Variants in STOX1 observed in about 807,000 individuals in gnomAD.
STOX1 encodes storkhead-box protein 1.
STOX1 carries 57 observed loss-of-function variants against 74.8 expected under a neutral mutation model. That is an observed-to-expected ratio of 0.76 (90% confidence interval 0.62 to 0.95). STOX1 has a LOEUF of 0.95. Ranked by LOEUF, STOX1 falls within the 40% of genes least tolerant of loss-of-function variation. The probability of loss-of-function intolerance (pLI) is 0.00; values close to 1 mark genes in which losing one functional copy is unlikely to be tolerated. For missense variants in STOX1, 1,010 were observed against 1,117.0 expected (o/e 0.90, Z 1.37); for synonymous variants, 375 against 401.3 (o/e 0.93, Z 0.78).
At chr10:68,847,419 T>G (rs1839880687) in intron 1 of STOX1, among the ~76,000 whole-genome samples, 1 of 151,938 alleles carries the variant, frequency 6.6e-6, no homozygotes. Context: ...TTGTTTTGTT[T>G]TGTTTTGTTT....
chr10:68,888,814 T>TTA (rs1841031032), intron 3 of STOX1, among the ~76,000 whole-genome samples: 1 of 126,284 alleles, frequency 7.9e-6, no homozygotes, highest in South Asian at 2.8e-4. Context: ...TTTTTTTTTT[T>TTA]TTTTTTTTTT....
At chr10:68,881,109 G>A (rs1840804910) in intron 1 of STOX1, among the ~76,000 whole-genome samples, 1 of 152,114 alleles carries the variant, frequency 6.6e-6, no homozygotes, top group African/African-American at 2.4e-5. Context: ...TCTATTAGTT[G>A]ATTCCCAGAT....
At chr10:68,877,448 T>C (rs1010531921) in intron 1 of STOX1, among the ~76,000 whole-genome samples, 3 of 152,194 alleles carry the variant, frequency 2.0e-5, no homozygotes, top group Admixed American at 6.5e-5. Context: ...AAGTTTTTGC[T>C]CTTATTTTGA....
intron 1 of STOX1, among the ~76,000 whole-genome samples, chr10:68,830,222 A>G (rs1004245674): frequency 1.3e-5 from 2 of 152,314 alleles, no homozygotes; most frequent in African/African-American, 4.8e-5. Context: ...CTCAGGATGC[A>G]GTGGACACTA....
intron 1 of STOX1, among the ~76,000 whole-genome samples, chr10:68,864,032 C>T (rs1840335403): frequency 6.6e-6 from 1 of 151,640 alleles, no homozygotes; most frequent in Admixed American, 6.6e-5. Flanking sequence ...TCATGCCATT[C>T]TCCTGCCTCA....
intron 1 of STOX1, among the ~76,000 whole-genome samples, chr10:68,847,405 G>GGTTTGGTTTT (rs1839879994): frequency 6.6e-6 from 1 of 150,672 alleles, no homozygotes; most frequent in Non-Finnish European, 1.5e-5. Flanking sequence ...GAAGGTAGAA[G>GGTTTGGTTTT]GTTTTGTTTT....
intron 1 of STOX1, among the ~76,000 whole-genome samples, chr10:68,834,786 G>T (rs186777143): frequency 6.6e-6 from 1 of 151,700 alleles, no homozygotes; most frequent in Admixed American, 6.6e-5. Context: ...GTGCAGTGGC[G>T]TGATCTCGGC....
intron 1 of STOX1, among the ~76,000 whole-genome samples, chr10:68,870,364 C>T (rs1149686): frequency 0.93 from 142,023 of 152,200 alleles, 66,354 homozygotes; most frequent in East Asian, 0.99. Context: ...TGCATGACTA[C>T]TTTTAGGGAC....
intron 1 of STOX1, among the ~76,000 whole-genome samples, chr10:68,861,762 T>G (rs1261268347): frequency 6.6e-6 from 1 of 152,272 alleles, no homozygotes. Context: ...CTGCAGCTCC[T>G]TTAAGCACTC....
chr10:68,884,259 G>A lies in STOX1; in HGVS notation c.464-1G>A. On this transcript the variant is annotated splice_acceptor_variant, in intron 2 of 3. Transcript: ENST00000298596. LOFTEE classifies it high-confidence loss of function. ...ATCTGTAAAATGCTTGTCTGTTTTAGGCATTGCAATTCCATCGGAAGATAT... is the reference window on the plus strand; with the variant it reads ...ATCTGTAAAATGCTTGTCTGTTTTAAGCATTGCAATTCCATCGGAAGATAT... 1 of 1,613,888 alleles carries A rather than the reference G, an allele frequency of 6.2e-7. No homozygotes were observed. The highest frequency in any genetic ancestry group is 8.5e-7 in the Non-Finnish European group (1 of 1,179,930).
intron 1 of STOX1, among the ~76,000 whole-genome samples, chr10:68,872,345 T>TTTC (rs1554829994): frequency 2.5e-5 from 3 of 118,350 alleles, no homozygotes; most frequent in African/African-American, 8.2e-5. Context: ...TTCTTTTCTT[T>TTTC]TTTTTTTTTT....
intron 1 of STOX1, among the ~76,000 whole-genome samples, chr10:68,842,121 A>G (rs1839705371): frequency 1.3e-5 from 2 of 151,436 alleles, no homozygotes; most frequent in Admixed American, 6.6e-5. Flanking sequence ...GGCAGCCACC[A>G]TGCTTGCCTT....
intron 1 of STOX1, chr10:68,828,248 G>C (rs1326336974): frequency 9.9e-6 from 11 of 1,111,782 alleles, no homozygotes; most frequent in East Asian, 3.9e-5. Flanking sequence ...GCCGCCGCGC[G>C]GCTTCCGCAT....
At chr10:68,854,293 C>A (rs1468318576) in intron 1 of STOX1, among the ~76,000 whole-genome samples, 1 of 151,640 alleles carries the variant, frequency 6.6e-6, no homozygotes, top group Non-Finnish European at 1.5e-5. Context: ...CTGTGCCCAG[C>A]CCGTTTTTTG....
Position 68,885,246 on chromosome 10 carries a change from G to C in STOX1, c.1450G>C (p.Gly484Arg), listed in dbSNP as rs200891384. The C allele has an allele frequency of 1.3e-4, 210 of 1,614,076 alleles. No homozygotes were observed. Among genetic ancestry groups the C allele is most frequent in the Non-Finnish European group, 1.7e-4 (198 of 1,180,046 alleles). The part of the protein sequence containing the change: ...KPLGEITTVL[G>R]SHLIYKKRIS... The stretch of plus-strand genomic sequence containing the variant: ...ACTTGGTGAGATTACAACAGTGCTA[G>C]GTTCCCATTTGATTTACAAAAAGCG... The change falls in exon 3 of 4, where the codon GGT becomes CGT. Residue 484 changes from glycine to arginine, a missense_variant. Physicochemically the swap from Gly to Arg is moderately radical, Grantham distance 125. Transcript: ENST00000298596.
At chr10:68,880,164 C>CTTTTTTTTTTTT (rs71028800) in intron 1 of STOX1, among the ~76,000 whole-genome samples, 90 of 124,428 alleles carry the variant, frequency 7.2e-4, no homozygotes, top group African/African-American at 1.4e-3. Flanking sequence ...TCTTTCTTTC[C>CTTTTTTTTTTTT]TTTTTTTTTT....
In STOX1 at chr10:68,884,681, C is replaced by A. The variant is rs376588560; in HGVS notation, c.885C>A (p.Ser295Arg). The A allele has an allele frequency of 2.5e-6, 4 of 1,614,000 alleles. No homozygotes were observed. The African/African-American group carries it at 5.3e-5, about 22-fold the overall frequency. ...CTGCGGAGCACCACATTTGTGAGAG[C>A]ACCAAACCTTTACCATACACAAGAG... ...SVSAEHHICE[S>R]TKPLPYTRDK... Residue 295 changes from serine to arginine, a missense_variant, in exon 3 of 4, where the codon AGC becomes AGA. Physicochemically the swap from Ser to Arg is moderately radical, Grantham distance 110. Coordinates refer to ENST00000298596, the MANE Select transcript of STOX1 (RefSeq NM_152709.5).
chr10:68,845,847 C>T (rs1312246224), intron 1 of STOX1, among the ~76,000 whole-genome samples: 3 of 151,880 alleles, frequency 2.0e-5, no homozygotes, highest in East Asian at 1.9e-4. Context: ...GGTGATCTAC[C>T]CGCCTCGGCC....
Position 68,886,560 on chromosome 10 carries a change from C to T in STOX1, c.2764C>T (p.His922Tyr). ...LAQDVQYEHS[H>Y]LEGTENHSMA... ...TCAGGATGTCCAATATGAACACAGT[C>T]ACTTGGAAGGGACAGAAAATCACAG... is the stretch of plus-strand genomic sequence containing the variant. Residue 922 changes from histidine to tyrosine, a missense_variant, in exon 3 of 4, where the codon CAC becomes TAC. Coordinates refer to ENST00000298596, the MANE Select transcript of STOX1 (RefSeq NM_152709.5). 4 of 1,614,102 alleles carry T rather than the reference C, an allele frequency of 2.5e-6. No individual in the cohort carries two copies. The highest frequency in any genetic ancestry group is 3.4e-6 in the Non-Finnish European group (4 of 1,180,008).
Sources: allele counts gnomAD v4.1 joint callset (sites outside exome capture counted in the v4.1 genomes callset), GRCh38; gene constraint gnomAD v4.1.1; transcripts MANE v1.5; gene names NCBI Gene and HGNC (gene_info 2026-07-23, HGNC 2026-07-21).